BLTP1: variants seen among roughly 807,000 people sequenced by gnomAD.
The protein encoded by BLTP1 is fragile site-associated protein.
chr4:122,285,658 T>G, the BLTP1 span, among the ~76,000 whole-genome samples: 12 of 152,308 alleles, frequency 7.9e-5, 1 homozygote, highest in South Asian at 2.5e-3. Context: ...CTGGCTCAGT[T>G]GAGAGCAGTA....
chr4:122,188,963 G>A, the BLTP1 span: 1,431 of 985,156 alleles, frequency 1.5e-3, 4 homozygotes, highest in Non-Finnish European at 1.3e-3. Flanking sequence ...TGAGTATCGC[G>A]GTGACTGTGG....
chr4:122,220,285 C>T, the BLTP1 span: 1 of 1,589,838 alleles, frequency 6.3e-7, no homozygotes, highest in Non-Finnish European at 8.5e-7. Flanking sequence ...TACTTCCTTA[C>T]TTTTTGCCTT....
chr4:122,169,627 G>T, the BLTP1 span: 1 of 960,016 alleles, frequency 1.0e-6, no homozygotes, highest in Non-Finnish European at 1.2e-6. Flanking sequence ...CTTATTGTTG[G>T]TACATCTCAA....
the BLTP1 span, chr4:122,299,876 T>C: frequency 1.0e-6 from 1 of 984,650 alleles, no homozygotes; most frequent in East Asian, 1.1e-4. Context: ...GAAAATGTAA[T>C]CTGTATGCTG....
the BLTP1 span, among the ~76,000 whole-genome samples, chr4:122,185,712 T>A: frequency 6.6e-6 from 1 of 152,214 alleles, no homozygotes; most frequent in Non-Finnish European, 1.5e-5. Flanking sequence ...AAAATATGGA[T>A]ATATTAGGGT....
chr4:122,336,334 A>G, the BLTP1 span: 18 of 1,608,522 alleles, frequency 1.1e-5, no homozygotes, highest in Non-Finnish European at 1.4e-5. Flanking sequence ...CAATTACACC[A>G]GTTGAAAGGA....
chr4:122,322,087 A>G, the BLTP1 span, among the ~76,000 whole-genome samples: 1 of 143,374 alleles, frequency 7.0e-6, no homozygotes, highest in Non-Finnish European at 1.5e-5. Flanking sequence ...AATTTGAGAA[A>G]ACTCTCAGTC....
At chr4:122,214,606 TCAGTAAATTC>T in the BLTP1 span, 62 of 649,010 alleles carry the variant, frequency 9.6e-5, no homozygotes, top group Non-Finnish European at 1.0e-4. Context: ...TTTTTTTTTT[TCAGTAAATTC>T]TTTTTTTTTT....
chr4:122,185,504 A>G, the BLTP1 span: 240 of 824,772 alleles, frequency 2.9e-4, no homozygotes, highest in African/African-American at 4.0e-3. Context: ...TGCTATTTCT[A>G]CTTAATGTAA....
the BLTP1 span, chr4:122,256,652 A>G: frequency 6.4e-6 from 1 of 155,424 alleles, no homozygotes; most frequent in Non-Finnish European, 1.4e-5. Context: ...AATTAGACTA[A>G]GGTAACAGGA....
At chr4:122,167,387 C>A in the BLTP1 span, among the ~76,000 whole-genome samples, 1 of 152,150 alleles carries the variant, frequency 6.6e-6, no homozygotes, top group East Asian at 1.9e-4. Context: ...TACTTTTCAG[C>A]TTGTTCTCCT....
At chr4:122,271,138 C>G in the BLTP1 span, 3 of 1,613,742 alleles carry the variant, frequency 1.9e-6, no homozygotes, top group South Asian at 2.2e-5. Context: ...CTACCAGTGC[C>G]CTTTCTTTTC....
chr4:122,327,270 T>C, the BLTP1 span, among the ~76,000 whole-genome samples: 2 of 151,770 alleles, frequency 1.3e-5, no homozygotes, highest in African/African-American at 4.8e-5. Context: ...CCACAAATAC[T>C]CGAGTCCCTT....
chr4:122,270,326 A>G, the BLTP1 span: 1 of 983,632 alleles, frequency 1.0e-6, no homozygotes, highest in Non-Finnish European at 1.2e-6. Context: ...CATAGTGTGC[A>G]TGGAAGAAGA....
chr4:122,215,318 T>A, the BLTP1 span: 1 of 936,452 alleles, frequency 1.1e-6, no homozygotes, highest in Non-Finnish European at 1.3e-6. Flanking sequence ...GAATCTAAAT[T>A]TTTTTAAGAT....
chr4:122,307,889 A>AC, the BLTP1 span: 1 of 1,562,046 alleles, frequency 6.4e-7, no homozygotes, highest in African/African-American at 1.4e-5. Flanking sequence ...GTTTTACTTA[A>AC]CATATAGATT....
At chr4:122,187,115 A>G in the BLTP1 span, 1 of 984,230 alleles carries the variant, frequency 1.0e-6, no homozygotes, top group Non-Finnish European at 1.2e-6. Flanking sequence ...ATAGTAACAT[A>G]ATGGGCAAAA....
chr4:122,336,818 G>A, the BLTP1 span: 1 of 1,500,002 alleles, frequency 6.7e-7, no homozygotes. Context: ...AAACAATAAG[G>A]ATCTTTTAAT....
At chr4:122,279,806 C>T in the BLTP1 span, 1 of 1,613,928 alleles carries the variant, frequency 6.2e-7, no homozygotes, top group African/African-American at 1.3e-5. Flanking sequence ...TGCCAAGTCC[C>T]AAGCCCTCTA....
Sources: gnomAD v4.1 joint callset for allele counts (sites outside exome capture counted in the v4.1 genomes callset) on GRCh38, gnomAD v4.1.1 for gene constraint, MANE v1.5 for transcripts, NCBI Gene and HGNC (gene_info 2026-07-23, HGNC 2026-07-21) for gene names.